The following PADI3 variants were observed in gnomAD, a reference collection of about 807,000 sequenced individuals.
PADI3 encodes the protein protein-arginine deiminase type-3.
In PADI3, 53 loss-of-function variants were observed where a neutral mutation model predicts 71.5. That is an observed-to-expected ratio of 0.74 (90% CI 0.59 to 0.93). The LOEUF is 0.93. PADI3 is among the 40% of genes least tolerant of loss of function. The pLI is 0.00. For missense variants in PADI3, 821 were observed against 868.0 expected, an observed-to-expected ratio of 0.95 and a Z score of 0.68; for synonymous variants, 361 against 347.5, an observed-to-expected ratio of 1.04 and a Z score of -0.43.
At chr1:17,259,904 TC>T in intron 2 of PADI3, 146 bp downstream of exon 2, 1 of 645,320 alleles carries the variant, frequency 1.5e-6, no homozygotes, top group Non-Finnish European at 2.6e-6. Context: ...TGATTTTGAA[TC>T]CCAGCTCTGC....
intron 1 of PADI3, among the ~76,000 whole-genome samples, chr1:17,256,064 G>A (rs571460003): frequency 1.3e-5 from 2 of 152,208 alleles, no homozygotes; most frequent in South Asian, 2.1e-4. Context: ...AAGGTTCCAC[G>A]GTGAAAACAC....
intron 13 of PADI3, among the ~76,000 whole-genome samples, chr1:17,278,683 G>A (rs1198850267): frequency 3.9e-5 from 6 of 151,954 alleles, no homozygotes; most frequent in African/African-American, 2.4e-5. Flanking sequence ...AATCCCAGAG[G>A]ATCCTCCCTT....
At chr1:17,272,190 G>C in intron 9 of PADI3, among the ~76,000 whole-genome samples, 1 of 152,344 alleles carries the variant, frequency 6.6e-6, no homozygotes, top group Middle Eastern at 3.4e-3. Flanking sequence ...GCACCAGGCT[G>C]TACAGGTTGG....
In PADI3 at chr1:17,282,937, G is replaced by T; in HGVS notation, c.1853G>T (p.Arg618Leu). Residue 618 changes from arginine to leucine, a missense_variant, in exon 16 of 16, where the codon CGG (arginine) becomes CTG (leucine). Transcript: ENST00000375460. Reference protein sequence around the residue: ...NGCCCLEEKVRSLLEPLGLHC... With the variant: ...NGCCCLEEKVLSLLEPLGLHC... ...TGCTGCTGCCTGGAGGAGAAGGTGC[G>T]GTCCCTGCTGGAGCCGCTGGGCCTC... 2 of 1,614,116 alleles carry T rather than the reference G, an allele frequency of 1.2e-6. No homozygotes were observed. The highest frequency in any genetic ancestry group is 1.7e-6 in the Non-Finnish European group (2 of 1,179,986).
intron 10 of PADI3, among the ~76,000 whole-genome samples, chr1:17,274,082 C>T (rs1219983794): frequency 6.6e-6 from 1 of 152,196 alleles, no homozygotes; most frequent in East Asian, 1.9e-4. Context: ...TGCCTGGTGC[C>T]GTAAAGAACA....
rs575709845 is a variant in PADI3, at chr1:17,249,475, G to A, written c.92+246G>A. ...GGCTTCAGTGACTGAGCTCCAGACCGGGGGCTTGGAGGGGGCTGGTGCCGC... is the reference window on the plus strand; with the variant it reads ...GGCTTCAGTGACTGAGCTCCAGACCAGGGGCTTGGAGGGGGCTGGTGCCGC... On this transcript the variant is annotated intron_variant, in intron 1 of 15. Coordinates refer to ENST00000375460, the MANE Select transcript of PADI3 (RefSeq NM_016233.2). Among the ~76,000 whole-genome samples, 640 of 152,252 alleles carry A rather than the reference G, an allele frequency of 4.2e-3. 4 individuals carry two copies. The highest frequency in any genetic ancestry group is 7.0e-3 in the Non-Finnish European group (476 of 68,020).
chr1:17,265,956 G>A (rs913229171), intron 4 of PADI3, among the ~76,000 whole-genome samples: 1 of 152,188 alleles, frequency 6.6e-6, no homozygotes, highest in African/African-American at 2.4e-5. Flanking sequence ...TTGGTTTGTG[G>A]GATCAAGACC....
intron 1 of PADI3, among the ~76,000 whole-genome samples, chr1:17,254,818 A>G (rs546985622): frequency 1.3e-5 from 2 of 151,748 alleles, no homozygotes; most frequent in East Asian, 3.9e-4. Flanking sequence ...CCCAGGTTCA[A>G]GCAATTCCCT....
rs72646789 is a variant in PADI3 at position 17,283,535 on chromosome 1, C to T, written c.*456C>T. 18,031 of 159,472 alleles carry T rather than the reference C, an allele frequency of 0.11. 1,354 individuals carry two copies. The highest frequency in any genetic ancestry group is 0.16 in the Non-Finnish European group (11,570 of 72,400). The allele number at this position is 159,472 out of a possible 1,614,324, so 9.9% of individuals were successfully genotyped here. ...ACAACCCTAAAACCAGACCACTCCACGCAGGACAGGCAGGAGAGATTCTTC... is the reference window on the plus strand; with the variant it reads ...ACAACCCTAAAACCAGACCACTCCATGCAGGACAGGCAGGAGAGATTCTTC... On this transcript the variant is annotated 3_prime_UTR_variant, in exon 16 of 16. Transcript: ENST00000375460.
chr1:17,251,849 G>T (rs1442185763), intron 1 of PADI3, among the ~76,000 whole-genome samples: 1 of 152,214 alleles, frequency 6.6e-6, no homozygotes, highest in Admixed American at 6.5e-5. Context: ...CCCCAAACCT[G>T]CCATATGCAG....
Position 17,273,553 on chromosome 1 carries a change from T to C in PADI3, c.1155+106T>C, listed in dbSNP as rs1477669814. 15 of 648,402 alleles carry C rather than the reference T, an allele frequency of 2.3e-5. No individual in the cohort carries two copies. In the East Asian group the frequency reaches 3.6e-4, roughly 16 times the overall value. 40.2% of individuals were successfully genotyped at this position (648,402 alleles called of 1,614,324 possible). ...GGGCAGCAGTGGGAACCGTGCTCTT[T>C]AGGGATGAGGGTAGGGTTGCCAGAT... On this transcript the variant is annotated intron_variant, in intron 10 of 15. Transcript: ENST00000375460.
chr1:17,270,521 A>T, intron 7 of PADI3, 110 bp downstream of exon 7: 1 of 1,026,698 alleles, frequency 9.7e-7, no homozygotes. Flanking sequence ...AGTGGTGTAC[A>T]CCTATAGTCC....
chr1:17,270,982 G>A lies in PADI3; in HGVS notation c.935G>A (p.Arg312His), dbSNP rs764523694. 6.2e-5 allele frequency: 100 copies of A among 1,613,702 alleles called. No individual in the cohort carries two copies. The highest frequency in any genetic ancestry group is 4.2e-4 in the South Asian group (38 of 91,078). ...TLPPLEVYVCRVRNNTCFVDA... is the reference protein window; with the variant it reads ...TLPPLEVYVCHVRNNTCFVDA... ...CCACCCCTAGAGGTGTATGTGTGCC[G>A]GTGAGTCTTGGGGCAGTGGGTGGTC... The change falls in exon 8 of 16, where the codon CGT becomes CAT. Residue 312 changes from arginine (R) to histidine (H), a missense_variant and splice_region_variant. Physicochemically the swap from Arg to His is conservative, Grantham distance 29 (BLOSUM62 0). Transcript: ENST00000375460.
rs2100584229 is a variant in PADI3 at position 17,270,162 on chromosome 1, T to C, written c.653-71T>C. 4 of 1,512,944 alleles carry C rather than the reference T, an allele frequency of 2.6e-6. No individual in the cohort carries two copies. The East Asian group carries it at 9.2e-5, about 35-fold the overall frequency. The allele number at this position is 1,512,944 out of a possible 1,614,324, so 93.7% of individuals were successfully genotyped here. On this transcript the variant is annotated intron_variant, in intron 6 of 15. Transcript: ENST00000375460. ...ATTTTTGGTGAGGCTGCAGACCTCT[T>C]CCTGTGTCCCTCATACTCATGCTCC...
At chr1:17,265,919 T>G (rs1158269603) in intron 4 of PADI3, among the ~76,000 whole-genome samples, 199 bp downstream of exon 4, 1 of 152,146 alleles carries the variant, frequency 6.6e-6, no homozygotes, top group African/African-American at 2.4e-5. Context: ...TTATCAGGCA[T>G]GGAGGTACCC....
At position 17,274,680 on chromosome 1, in the gene PADI3, G is replaced by T; in HGVS notation, c.1201G>T (p.Val401Leu). The T allele has an allele frequency of 6.2e-7, 1 of 1,613,792 alleles. No homozygotes were observed. Among genetic ancestry groups the T allele is most frequent in the South Asian group, 1.1e-5 (1 of 90,996 alleles). The stretch of plus-strand genomic sequence containing the variant: ...GACTCGGGAACCACGCGACAGGTCT[G>T]TGAGTGGCCTGGACTCCTTTGGGAA... ...YVTREPRDRS[V>L]SGLDSFGNLE... The change falls in exon 11 of 16, where the codon GTG becomes TTG. Residue 401 changes from valine (V) to leucine (L), a missense_variant. Physicochemically the swap from Val to Leu is conservative, Grantham distance 32. Coordinates refer to ENST00000375460, the MANE Select transcript of PADI3 (RefSeq NM_016233.2).
chr1:17,270,372 C>T lies in PADI3; in HGVS notation c.792C>T (p.Leu264=). The T allele has an allele frequency of 6.2e-7, 1 of 1,613,868 alleles. No individual in the cohort carries two copies. The change falls in exon 7 of 16, where the codon CTC becomes CTT. Residue 264 remains leucine, a synonymous_variant. Coordinates refer to ENST00000375460, the MANE Select transcript of PADI3 (RefSeq NM_016233.2). ...LSFPDAGFTG[L]ISFHVTLLDD... ...TCCCTGATGCCGGCTTCACAGGACTCATCTCCTTCCATGTCACTCTGCTGG... is the reference window on the plus strand; with the variant it reads ...TCCCTGATGCCGGCTTCACAGGACTTATCTCCTTCCATGTCACTCTGCTGG...
chr1:17,270,740 C>T, intron 7 of PADI3, 139 bp from the exon 8 acceptor site: 1 of 677,064 alleles, frequency 1.5e-6, no homozygotes, highest in East Asian at 2.7e-5. Flanking sequence ...CCCCAGACTT[C>T]TTGACCACCC....
chr1:17,270,581 T>C (rs1310197150), intron 7 of PADI3, among the ~76,000 whole-genome samples, 170 bp downstream of exon 7: 1 of 151,426 alleles, frequency 6.6e-6, no homozygotes, highest in Non-Finnish European at 1.5e-5. Context: ...CCCAGGGAGG[T>C]TGAGGTTGCA....
Sources: allele counts gnomAD v4.1 joint callset (sites outside exome capture counted in the v4.1 genomes callset), GRCh38; gene constraint gnomAD v4.1.1; transcripts MANE v1.5; gene names NCBI Gene and HGNC (gene_info 2026-07-23, HGNC 2026-07-21).